The following CHMP1A variants were observed in gnomAD, a reference collection of about 807,000 sequenced individuals.
CHMP1A encodes the protein charged multivesicular body protein 1A.
A neutral mutation model predicts 27.0 loss-of-function variants in CHMP1A; 17 were observed. The observed-to-expected ratio is 0.63, with a 90% CI of 0.43 to 0.95. CHMP1A has a LOEUF of 0.95. Ranked by LOEUF, CHMP1A falls within the 40% of genes least tolerant of loss-of-function variation. CHMP1A has a pLI of 0.00. For missense variants in CHMP1A, 275 were observed against 264.0 expected (o/e 1.04, Z -0.29); for synonymous variants, 131 against 107.5 (o/e 1.22, Z -1.35).
At chr16:89,653,812 GC>G in intron 2 of CHMP1A, 91 bp downstream of exon 2, 2 of 1,330,710 alleles carry the variant, frequency 1.5e-6, no homozygotes, top group Non-Finnish European at 2.2e-6. Flanking sequence ...TATATAATCT[GC>G]CCGACTGTTT....
chr16:89,657,007 G>A (rs972751288), intron 1 of CHMP1A, among the ~76,000 whole-genome samples: 1 of 150,538 alleles, frequency 6.6e-6, no homozygotes, highest in African/African-American at 2.4e-5. Context: ...GGCATACCGG[G>A]TTGAGATTTG....
At chr16:89,650,435 C>T (rs1024360746) in intron 3 of CHMP1A, among the ~76,000 whole-genome samples, 19 of 152,204 alleles carry the variant, frequency 1.2e-4, no homozygotes, top group African/African-American at 4.3e-4. Context: ...CATCCCACCC[C>T]ATGGGGCAGG....
At chr16:89,657,078 AG>A (rs1344137428) in intron 1 of CHMP1A, among the ~76,000 whole-genome samples, 62 of 38,642 alleles carry the variant, frequency 1.6e-3, no homozygotes, top group African/African-American at 6.3e-3. Flanking sequence ...GCCTGGGGGG[AG>A]GGGTCCCGGG....
Position 89,656,789 on chromosome 16 carries a change from AT to A in CHMP1A, c.7+792del, listed in dbSNP as rs774568496. Among the ~76,000 whole-genome samples, 10 of 152,278 alleles carry A rather than the reference AT, an allele frequency of 6.6e-5. No homozygotes were observed. In the South Asian group the frequency reaches 8.3e-4, roughly 13 times the overall value. On this transcript the variant is annotated intron_variant, in intron 1 of 6. Coordinates refer to ENST00000397901, the MANE Select transcript of CHMP1A (RefSeq NM_002768.5). ...TTTTTCTGGTGCCCTCTGACCCGAC[AT>A]TCCAAGTCCCGAAAGGCCGAACAGG...
chr16:89,653,866 C>G, intron 2 of CHMP1A, 38 bp downstream of exon 2: 3 of 1,607,542 alleles, frequency 1.9e-6, no homozygotes, highest in Non-Finnish European at 2.6e-6. Context: ...CTGTCCTCAC[C>G]AGAACAGGGC....
chr16:89,648,562 G>C (rs758225655), intron 4 of CHMP1A, among the ~76,000 whole-genome samples: 1 of 152,204 alleles, frequency 6.6e-6, no homozygotes, highest in African/African-American at 2.4e-5. Flanking sequence ...GGCCATGCAG[G>C]CTCTGCCTCT....
intron 1 of CHMP1A, among the ~76,000 whole-genome samples, chr16:89,654,942 CA>C (rs11322145): frequency 0.93 from 136,465 of 147,492 alleles, 63,911 homozygotes; most frequent in Non-Finnish European, 0.99. Context: ...GACTCCGTCT[CA>C]AAAAAAAAAA....
At chr16:89,652,473 C>T (rs533265259) in intron 2 of CHMP1A, among the ~76,000 whole-genome samples, 109 of 148,362 alleles carry the variant, frequency 7.3e-4, no homozygotes, top group African/African-American at 2.4e-3. Context: ...GAACCACAGA[C>T]GCCCTGGTAC....
rs778998267 is a variant in CHMP1A, at chr16:89,653,989, G to A, written c.8-66C>T. On this transcript the variant is annotated intron_variant, in intron 1 of 6. Coordinates refer to ENST00000397901, the MANE Select transcript of CHMP1A (RefSeq NM_002768.5). ...TGGGACGTTACACTTCTGGCAGGCA[G>A]GACTCACTAGGTTCCTTCTAGACAC... The A allele has an allele frequency of 1.3e-5, 20 of 1,522,578 alleles. No homozygotes were observed. In the East Asian group the frequency reaches 4.1e-4, roughly 31 times the overall value. The allele number at this position is 1,522,578 out of a possible 1,614,324, so 94.3% of individuals were successfully genotyped here. A position where few individuals can be genotyped will look rare whatever the true frequency, so the allele number is the denominator to read the frequency against.
rs577978613 is a variant in CHMP1A, at chr16:89,657,687, G to T, written c.-99C>A. On this transcript the variant is annotated 5_prime_UTR_variant, in exon 1 of 7. Coordinates refer to ENST00000397901, the MANE Select transcript of CHMP1A (RefSeq NM_002768.5). ...CGATCGAACCGACCAAGCTGCACCC[G>T]GCGGGGACTTCCGGGGTCGCCGCCC... The T allele has an allele frequency of 1.4e-5, 22 of 1,579,858 alleles. No homozygotes were observed. The African/African-American group carries it at 2.6e-4, about 19-fold the overall frequency.
At chr16:89,651,768 C>A in intron 2 of CHMP1A, 122 bp from the exon 3 acceptor site, 2 of 914,652 alleles carry the variant, frequency 2.2e-6, no homozygotes, top group Non-Finnish European at 3.2e-6. Flanking sequence ...CCCCCATCAG[C>A]CAGCCTGGGC....
intron 4 of CHMP1A, chr16:89,649,141 ACGC>A (rs2059804362): frequency 8.5e-6 from 3 of 351,830 alleles, no homozygotes; most frequent in African/African-American, 8.2e-5. Context: ...TTCCCACCCC[ACGC>A]TGATCCAGCT....
intron 5 of CHMP1A, chr16:89,646,931 C>T (rs544519337): frequency 2.6e-4 from 269 of 1,017,264 alleles, no homozygotes; most frequent in South Asian, 2.0e-3. Flanking sequence ...CCTGCTGCCG[C>T]GGGTGGACAT....
At position 89,647,281 on chromosome 16, in the gene CHMP1A, G is replaced by A. The variant is rs775235622; in HGVS notation, c.303C>T (p.Ser101=). ...AGGAGACCTTCTGCAGGTCCATGGT[G>A]CTCAGGGCCTTGTCCAGGGCTTTGG... ...QVTKALDKAL[S]TMDLQKVSSV... The change falls in exon 5 of 7, where the codon AGC becomes AGT. Residue 101 remains serine, a synonymous_variant. Coordinates refer to ENST00000397901, the MANE Select transcript of CHMP1A (RefSeq NM_002768.5). The A allele has an allele frequency of 9.3e-6, 15 of 1,611,994 alleles. 2 individuals carry two copies. In the South Asian group the frequency reaches 1.4e-4, roughly 15 times the overall value.
intron 1 of CHMP1A, among the ~76,000 whole-genome samples, chr16:89,654,574 C>A (rs1303901027): frequency 1.3e-5 from 2 of 152,126 alleles, no homozygotes; most frequent in African/African-American, 2.4e-5. Context: ...GAGGCTGAGG[C>A]GGGCAGATCA....
At chr16:89,650,376 A>G (rs1355916646) in intron 3 of CHMP1A, among the ~76,000 whole-genome samples, 1 of 151,930 alleles carries the variant, frequency 6.6e-6, no homozygotes, top group Non-Finnish European at 1.5e-5. Context: ...CCTGTCCATC[A>G]TGGGGAGGGG....
chr16:89,644,595 G>A lies in CHMP1A; in HGVS notation c.*1471C>T, dbSNP rs1038625867. On this transcript the variant is annotated 3_prime_UTR_variant, in exon 7 of 7. Coordinates refer to ENST00000397901, the MANE Select transcript of CHMP1A (RefSeq NM_002768.5). ...CCAAGGCTGTTACCCACGATGGACA[G>A]AAGGACGTTCTCTCAACACCAGGGT... 2 of 152,398 alleles carry A rather than the reference G, an allele frequency of 1.3e-5. No homozygotes were observed. The highest frequency in any genetic ancestry group is 2.9e-5 in the Non-Finnish European group (2 of 68,186). The allele number at this position is 152,398 out of a possible 1,614,324, so 9.4% of individuals were successfully genotyped here. A position where few individuals can be genotyped will look rare whatever the true frequency, so the allele number is the denominator to read the frequency against.
Position 89,649,115 on chromosome 16 carries a change from G to A in CHMP1A, c.252+236C>T, listed in dbSNP as rs187930259. 806 of 541,014 alleles carry A rather than the reference G, an allele frequency of 1.5e-3. 4 individuals carry two copies. Among genetic ancestry groups the A allele is most frequent in the Admixed American group, 4.1e-3 (108 of 26,180 alleles). The allele number at this position is 541,014 out of a possible 1,614,324, so 33.5% of individuals were successfully genotyped here. On this transcript the variant is annotated intron_variant, in intron 4 of 6. Transcript: ENST00000397901. Reference sequence around the variant, plus strand: ...GCAAGCTCAGGGTGCAGCCTCACCTGTGTCCCTGCCAGCATTTCCCACCCC... The same window carrying A: ...GCAAGCTCAGGGTGCAGCCTCACCTATGTCCCTGCCAGCATTTCCCACCCC...
chr16:89,651,542 A>G (rs2059823782), intron 3 of CHMP1A, 27 bp downstream of exon 3: 1 of 1,609,472 alleles, frequency 6.2e-7, no homozygotes, highest in African/African-American at 1.3e-5. Context: ...CAGGAGAGTC[A>G]TGACCCCACA....
Sources: gnomAD v4.1 joint callset for allele counts (sites outside exome capture counted in the v4.1 genomes callset) on GRCh38, gnomAD v4.1.1 for gene constraint, MANE v1.5 for transcripts, NCBI Gene and HGNC (gene_info 2026-07-23, HGNC 2026-07-21) for gene names.